FMN1: variants seen among roughly 807,000 people sequenced by gnomAD.
FMN1 encodes the protein formin-1.
A neutral mutation model predicts 132.4 loss-of-function variants in FMN1; 110 were observed. The observed-to-expected ratio is 0.83, with a 90% confidence interval of 0.71 to 0.97. FMN1 has a LOEUF of 0.97. Among genes scored for constraint, FMN1 ranks in the 50% least tolerant of loss-of-function variants. The pLI is 0.00. For synonymous variants in FMN1, 722 were observed against 651.7 expected, an observed-to-expected ratio of 1.11 and a Z score of -1.64; for missense variants, 1,792 against 1,705.3, an observed-to-expected ratio of 1.05 and a Z score of -0.90.
intron 6 of FMN1, among the ~76,000 whole-genome samples, chr15:33,038,403 C>T (rs892991060): frequency 1.3e-5 from 2 of 152,136 alleles, no homozygotes; most frequent in Non-Finnish European, 2.9e-5. Flanking sequence ...TCCCTTCAAA[C>T]GTTTCAATTT....
At chr15:33,070,786 T>C (rs767862257) in intron 5 of FMN1, among the ~76,000 whole-genome samples, 2 of 152,236 alleles carry the variant, frequency 1.3e-5, no homozygotes, top group African/African-American at 4.8e-5. Flanking sequence ...GGGTTGACCA[T>C]GTGCCAAGCA....
In FMN1 at chr15:32,968,816, C is replaced by T. The variant is rs746527979; in HGVS notation, c.2885G>A (p.Gly962Glu). Residue 962 changes from glycine to glutamate, a missense_variant, in exon 8 of 21, where the codon GGA becomes GAA. This residue lies in a region of FMN1 where 1,150 missense variants were observed against 1,043.1 expected (regional missense o/e 1.10). Transcript: ENST00000616417. ...ACATTGACTGGAAGAAGAGCCAAGT[C>T]CAAAGAAGAGTCCAGGGGGAGGTGG... The part of the protein sequence containing the change: ...APPPPPGLFF[G>E]LGSSSSQCPR... The T allele has an allele frequency of 2.5e-6, 4 of 1,611,378 alleles. No homozygotes were observed. In the Admixed American group the frequency reaches 6.7e-5, roughly 27 times the overall value.
At chr15:33,080,842 G>A (rs1009292743) in intron 5 of FMN1, among the ~76,000 whole-genome samples, 6 of 151,504 alleles carry the variant, frequency 4.0e-5, no homozygotes, top group African/African-American at 7.3e-5. Context: ...AGCTGAGATC[G>A]CGCCATTGCA....
chr15:33,077,807 A>AC (rs2038280712), intron 5 of FMN1, among the ~76,000 whole-genome samples: 1 of 151,688 alleles, frequency 6.6e-6, no homozygotes, highest in South Asian at 2.1e-4. Context: ...AAAAAAAAAA[A>AC]ACATCAAAAA....
rs192388430 is a variant in FMN1 at position 32,890,919 on chromosome 15, G to C, written c.3715-2627C>G. Among the ~76,000 whole-genome samples the C allele has an allele frequency of 9.6e-3, 1,459 of 152,254 alleles. 7 individuals carry two copies. Among genetic ancestry groups the C allele is most frequent in the Middle Eastern group, 0.017 (5 of 294 alleles). On this transcript the variant is annotated intron_variant, in intron 15 of 20. Coordinates refer to ENST00000616417, the MANE Select transcript of FMN1 (RefSeq NM_001277313.2). ...TCCATTGAGTTGATTTTTGTGTAAG[G>C]TGAGAGATGAGGATCCAGTTTCATT...
chr15:32,804,661 G>GC (rs1321491413), intron 17 of FMN1, among the ~76,000 whole-genome samples: 4 of 30,336 alleles, frequency 1.3e-4, no homozygotes, highest in African/African-American at 3.9e-4. Context: ...CCCTCCCCCA[G>GC]CCCCCCACCC....
chr15:32,977,940 T>G (rs1383502502), intron 7 of FMN1, among the ~76,000 whole-genome samples: 3 of 150,964 alleles, frequency 2.0e-5, no homozygotes, highest in Non-Finnish European at 4.4e-5. Context: ...CACTGCAACC[T>G]CCGCCTCCCA....
At chr15:33,082,645 G>A (rs969475287) in intron 5 of FMN1, among the ~76,000 whole-genome samples, 2 of 152,068 alleles carry the variant, frequency 1.3e-5, no homozygotes, top group African/African-American at 4.8e-5. Flanking sequence ...GGTTGAAAGT[G>A]CCCTAGGACC....
At chr15:33,120,386 T>C (rs1962436516) in intron 4 of FMN1, among the ~76,000 whole-genome samples, 1 of 152,176 alleles carries the variant, frequency 6.6e-6, no homozygotes, top group South Asian at 2.1e-4. Context: ...GGTTACCAGT[T>C]GTGCCCATAG....
intron 6 of FMN1, among the ~76,000 whole-genome samples, chr15:33,055,824 G>GA (rs1357023354): frequency 6.6e-6 from 1 of 152,050 alleles, no homozygotes; most frequent in Admixed American, 6.5e-5. Flanking sequence ...TTAAGAGAGA[G>GA]AAAAAACACT....
intron 3 of FMN1, among the ~76,000 whole-genome samples, chr15:33,175,482 C>T (rs1232274357): frequency 1.3e-5 from 2 of 152,222 alleles, no homozygotes. Flanking sequence ...TAAGTTTTAC[C>T]ATCTATTTTC....
At chr15:32,957,272 C>T (rs2061790496) in intron 9 of FMN1, among the ~76,000 whole-genome samples, 1 of 134,630 alleles carries the variant, frequency 7.4e-6, no homozygotes, top group South Asian at 2.6e-4. Flanking sequence ...GTTTAAAACA[C>T]AATTGGAAAG....
intron 6 of FMN1, among the ~76,000 whole-genome samples, chr15:33,054,809 C>A (rs2037142758): frequency 6.6e-6 from 1 of 152,164 alleles, no homozygotes; most frequent in Non-Finnish European, 1.5e-5. Flanking sequence ...ATTTAAAACT[C>A]TATATTGCCT....
intron 15 of FMN1, among the ~76,000 whole-genome samples, chr15:32,895,456 CA>C (rs1367596026): frequency 6.6e-6 from 1 of 151,762 alleles, no homozygotes; most frequent in African/African-American, 2.4e-5. Context: ...GCTTTATGGG[CA>C]AACAGCTTGA....
chr15:32,891,122 G>A (rs984534943), intron 15 of FMN1, among the ~76,000 whole-genome samples: 7 of 152,178 alleles, frequency 4.6e-5, no homozygotes, highest in South Asian at 2.1e-4. Context: ...CCAGTACCAC[G>A]TTGTTTTGGT....
At chr15:32,957,034 C>A (rs1464760086) in intron 9 of FMN1, among the ~76,000 whole-genome samples, 2 of 152,024 alleles carry the variant, frequency 1.3e-5, no homozygotes, top group East Asian at 3.9e-4. Flanking sequence ...ACCATCACAA[C>A]CCCCTTCCCC....
At chr15:32,785,206 A>G (rs1201863226) in intron 19 of FMN1, among the ~76,000 whole-genome samples, 5 of 38,534 alleles carry the variant, frequency 1.3e-4, no homozygotes, top group East Asian at 6.8e-4. Context: ...GTGTGTATAT[A>G]TATATATATA....
intron 19 of FMN1, among the ~76,000 whole-genome samples, chr15:32,778,457 A>C (rs78454350): frequency 0.03 from 4,589 of 151,912 alleles, 238 homozygotes; most frequent in African/African-American, 0.1. Context: ...TCAAATAAGA[A>C]GACAAATTAT....
Position 33,161,257 on chromosome 15 carries a change from T to G in FMN1, c.-131-6212A>C, listed in dbSNP as rs569306010. Among the ~76,000 whole-genome samples the G allele has an allele frequency of 1.5e-3, 227 of 152,274 alleles. 1 individual carries two copies. The highest frequency in any genetic ancestry group is 3.1e-3 in the Non-Finnish European group (209 of 68,010). On this transcript the variant is annotated intron_variant, in intron 3 of 20. Coordinates refer to ENST00000616417, the MANE Select transcript of FMN1 (RefSeq NM_001277313.2). ...CCCTCCTAAGACCAAGAGACTGACT[T>G]TTATGAACTCAATCAACAAGTTTCC...
Sources: allele counts gnomAD v4.1 joint callset (sites outside exome capture counted in the v4.1 genomes callset), GRCh38; gene constraint gnomAD v4.1.1; regional missense constraint gnomAD v4.1.1; transcripts MANE v1.5; gene names NCBI Gene and HGNC (gene_info 2026-07-23, HGNC 2026-07-21).